The following SLC35D4 variants were observed in gnomAD, a reference collection of about 807,000 sequenced individuals.
SLC35D4 encodes solute carrier family 35 member D4.
At chr18:23,352,381 AAATT>A in the SLC35D4 span, 1 of 971,904 alleles carries the variant, frequency 1.0e-6, no homozygotes, top group Non-Finnish European at 1.5e-6. Context: ...AATCAATTTC[AAATT>A]ATTATGCAAC....
At chr18:23,418,729 C>T in the SLC35D4 span, among the ~76,000 whole-genome samples, 2 of 151,090 alleles carry the variant, frequency 1.3e-5, no homozygotes, top group Admixed American at 6.6e-5. Context: ...AGCAGTTGGC[C>T]GGGTACGGTG....
the SLC35D4 span, among the ~76,000 whole-genome samples, chr18:23,248,054 C>A: frequency 6.6e-6 from 1 of 152,254 alleles, no homozygotes; most frequent in Non-Finnish European, 1.5e-5. Context: ...GTAAAAAAGA[C>A]AGAGCCTCTC....
chr18:23,282,234 T>C, the SLC35D4 span, among the ~76,000 whole-genome samples: 1 of 152,250 alleles, frequency 6.6e-6, no homozygotes, highest in Non-Finnish European at 1.5e-5. Context: ...ATATTCCTTT[T>C]GCCTCAGGCA....
chr18:23,374,712 C>T, the SLC35D4 span, among the ~76,000 whole-genome samples: 76 of 152,090 alleles, frequency 5.0e-4, 1 homozygote, highest in Middle Eastern at 0.01. Context: ...CTCGAACTCC[C>T]GACCTCAGGT....
the SLC35D4 span, chr18:23,259,138 A>G: frequency 6.6e-6 from 1 of 152,268 alleles, no homozygotes; most frequent in African/African-American, 2.4e-5. Context: ...CGCCTGAACT[A>G]CAAAATGCCC....
chr18:23,314,512 C>T, the SLC35D4 span, among the ~76,000 whole-genome samples: 1 of 152,122 alleles, frequency 6.6e-6, no homozygotes, highest in Non-Finnish European at 1.5e-5. Flanking sequence ...TAATATTCAC[C>T]AAAGAACAAG....
At chr18:23,379,248 C>T in the SLC35D4 span, among the ~76,000 whole-genome samples, 1 of 152,026 alleles carries the variant, frequency 6.6e-6, no homozygotes, top group African/African-American at 2.4e-5. Flanking sequence ...CTCAGCCTCC[C>T]AAGTAGCTGG....
the SLC35D4 span, among the ~76,000 whole-genome samples, chr18:23,291,596 G>A: frequency 6.6e-6 from 1 of 152,312 alleles, no homozygotes; most frequent in African/African-American, 2.4e-5. Flanking sequence ...CCAGCTGCAA[G>A]GCTGGGCTCA....
At chr18:23,387,164 G>A in the SLC35D4 span, among the ~76,000 whole-genome samples, 7 of 152,074 alleles carry the variant, frequency 4.6e-5, no homozygotes, top group African/African-American at 1.4e-4. Flanking sequence ...CACCTGCCTT[G>A]GCCTCCAAAG....
chr18:23,339,122 C>T, the SLC35D4 span, among the ~76,000 whole-genome samples: 1 of 152,184 alleles, frequency 6.6e-6, no homozygotes, highest in Non-Finnish European at 1.5e-5. Context: ...AACTCCTGGC[C>T]TTAAGCAATC....
chr18:23,414,295 G>GAGGAAGGAAGGAAGGAAGGAAGGA, the SLC35D4 span, among the ~76,000 whole-genome samples: 410 of 124,112 alleles, frequency 3.3e-3, 4 homozygotes, highest in East Asian at 0.015. Flanking sequence ...AAAAGGAAAG[G>GAGGAAGGAAGGAAGGAAGGAAGGA]AGGAAGGAAG....
chr18:23,273,410 AG>A, the SLC35D4 span, among the ~76,000 whole-genome samples: 1 of 152,204 alleles, frequency 6.6e-6, no homozygotes, highest in Non-Finnish European at 1.5e-5. Context: ...TTGAAGCAAG[AG>A]GGGAGGCCCG....
the SLC35D4 span, among the ~76,000 whole-genome samples, chr18:23,286,958 T>C: frequency 2.0e-5 from 3 of 151,004 alleles, no homozygotes; most frequent in Non-Finnish European, 4.4e-5. Context: ...AAGTATAAGA[T>C]ACCTCTACTC....
chr18:23,399,246 C>T, the SLC35D4 span, among the ~76,000 whole-genome samples: 1 of 152,220 alleles, frequency 6.6e-6, no homozygotes. Context: ...CTCCTGTGGA[C>T]AGCCTGCATT....
the SLC35D4 span, among the ~76,000 whole-genome samples, chr18:23,326,096 C>G: frequency 6.6e-6 from 1 of 152,326 alleles, no homozygotes; most frequent in East Asian, 1.9e-4. Context: ...AGCAATATGC[C>G]TGGTGGCCCT....
the SLC35D4 span, among the ~76,000 whole-genome samples, chr18:23,384,477 T>C: frequency 6.6e-6 from 1 of 152,120 alleles, no homozygotes; most frequent in African/African-American, 2.4e-5. Flanking sequence ...TACTTAACAG[T>C]GATAGTTGCT....
chr18:23,369,741 A>G, the SLC35D4 span, among the ~76,000 whole-genome samples: 1 of 152,206 alleles, frequency 6.6e-6, no homozygotes, highest in East Asian at 1.9e-4. Context: ...TGGCCCAAAC[A>G]GCAAGAAGAG....
chr18:23,312,591 G>A, the SLC35D4 span, among the ~76,000 whole-genome samples: 1 of 152,134 alleles, frequency 6.6e-6, no homozygotes, highest in South Asian at 2.1e-4. Flanking sequence ...GGGGTTGGAC[G>A]GGCCCATTTT....
chr18:23,428,675 G>A, the SLC35D4 span, among the ~76,000 whole-genome samples: 150 of 147,820 alleles, frequency 1.0e-3, no homozygotes, highest in South Asian at 2.8e-3. Flanking sequence ...ATGTCACCAT[G>A]CCTAGCTAAT....
Sources: allele counts gnomAD v4.1 joint callset (sites outside exome capture counted in the v4.1 genomes callset), GRCh38; gene constraint gnomAD v4.1.1; transcripts MANE v1.5; gene names NCBI Gene and HGNC (gene_info 2026-07-23, HGNC 2026-07-21).